Variants in ERBB4 observed in about 807,000 individuals in gnomAD.
ERBB4 encodes receptor tyrosine-protein kinase erbB-4.
A neutral mutation model predicts 158.0 loss-of-function variants in ERBB4; 42 were observed. That is an observed-to-expected ratio of 0.27 (90% CI 0.21 to 0.34). The LOEUF is 0.34. Ranked by LOEUF, ERBB4 falls within the 10% of genes least tolerant of loss-of-function variation. The probability of loss-of-function intolerance (pLI) is 1.00; values close to 1 mark genes in which losing one functional copy is unlikely to be tolerated. For missense variants in ERBB4, 1,333 were observed against 1,624.1 expected (o/e 0.82, Z 3.08); for synonymous variants, 583 against 558.7 (o/e 1.04, Z -0.61).
At position 211,725,098 on chromosome 2, in the gene ERBB4, C is replaced by T. The variant is rs2106131316; in HGVS notation, c.719G>A (p.Gly240Glu). ...TACAAAGCAGTCTGTGTCCTTAGGT[C>T]CTGAGCAGCCTCCAGCACATTCTCG... is the stretch of plus-strand genomic sequence containing the variant. ...CHRECAGGCS[G>E]PKDTDCFACM... The change falls in exon 6 of 28, where the codon GGA becomes GAA. Residue 240 changes from glycine to glutamate, a missense_variant. By Grantham distance (98) the Gly-to-Glu change is moderately conservative (BLOSUM62 -2). Transcript: ENST00000342788. The T allele has an allele frequency of 6.2e-7, 1 of 1,613,036 alleles. No homozygotes were observed. Among genetic ancestry groups the T allele is most frequent in the Non-Finnish European group, 8.5e-7 (1 of 1,179,126 alleles).
At chr2:212,392,778 T>C (rs1560197484) in intron 1 of ERBB4, among the ~76,000 whole-genome samples, 1 of 152,058 alleles carries the variant, frequency 6.6e-6, no homozygotes, top group African/African-American at 2.4e-5. Context: ...TTTTATATCA[T>C]ATTACATTAC....
At chr2:211,668,387 A>G (rs6743845) in intron 14 of ERBB4, among the ~76,000 whole-genome samples, 2,703 of 152,310 alleles carry the variant, frequency 0.018, 94 homozygotes, top group African/African-American at 0.062. Flanking sequence ...TTAAAGAAAT[A>G]TACCTGTGTC....
intron 1 of ERBB4, among the ~76,000 whole-genome samples, chr2:212,230,741 T>C (rs747329576): frequency 6.6e-6 from 1 of 152,166 alleles, no homozygotes; most frequent in Non-Finnish European, 1.5e-5. Flanking sequence ...CATCTGCCCA[T>C]TCATCTATCT....
At chr2:211,812,643 C>G (rs1274441884) in intron 3 of ERBB4, among the ~76,000 whole-genome samples, 1 of 152,220 alleles carries the variant, frequency 6.6e-6, no homozygotes, top group Non-Finnish European at 1.5e-5. Context: ...GCCCTGCCCC[C>G]AGAGGTGGAG....
chr2:212,277,928 C>A (rs922078958), intron 1 of ERBB4, among the ~76,000 whole-genome samples: 2 of 151,476 alleles, frequency 1.3e-5, no homozygotes, highest in Admixed American at 6.6e-5. Context: ...TAAACCATTG[C>A]AATATCAGTA....
chr2:212,524,327 C>A (rs1692331194), intron 1 of ERBB4, among the ~76,000 whole-genome samples: 1 of 151,840 alleles, frequency 6.6e-6, no homozygotes, highest in African/African-American at 2.4e-5. Context: ...ATGTAGTGAC[C>A]TCCAGGGATA....
chr2:211,763,292 T>C (rs2106245944), intron 4 of ERBB4, among the ~76,000 whole-genome samples: 1 of 152,358 alleles, frequency 6.6e-6, no homozygotes, highest in East Asian at 1.9e-4. Flanking sequence ...GGATAGCCTG[T>C]GTTTTCATCT....
At chr2:211,430,146 G>T (rs1470203764) in intron 21 of ERBB4, among the ~76,000 whole-genome samples, 1 of 151,868 alleles carries the variant, frequency 6.6e-6, no homozygotes, top group African/African-American at 2.4e-5. Flanking sequence ...GATAAATAAG[G>T]CATATAATAA....
intron 20 of ERBB4, among the ~76,000 whole-genome samples, chr2:211,486,981 G>A (rs534166188): frequency 1.3e-5 from 2 of 151,640 alleles, no homozygotes; most frequent in South Asian, 2.1e-4. Context: ...TTTAAAATAT[G>A]TTTTTTTCTT....
chr2:212,484,551 A>G (rs909116087), intron 1 of ERBB4, among the ~76,000 whole-genome samples: 8 of 152,242 alleles, frequency 5.3e-5, no homozygotes, highest in South Asian at 2.1e-4. Context: ...CACAGAGAAA[A>G]TCATTTTTAA....
intron 1 of ERBB4, among the ~76,000 whole-genome samples, chr2:212,271,569 G>T (rs1342037771): frequency 6.6e-6 from 1 of 151,658 alleles, no homozygotes; most frequent in Non-Finnish European, 1.5e-5. Context: ...CAAAATAATA[G>T]TCAGTGATTG....
intron 1 of ERBB4, among the ~76,000 whole-genome samples, chr2:212,218,139 C>T (rs1349948478): frequency 6.6e-6 from 1 of 151,290 alleles, no homozygotes; most frequent in Non-Finnish European, 1.5e-5. Flanking sequence ...CTAACGAGAG[C>T]TGCTTTAGAA....
At chr2:212,530,183 C>A (rs899897505) in intron 1 of ERBB4, among the ~76,000 whole-genome samples, 13 of 152,016 alleles carry the variant, frequency 8.6e-5, no homozygotes, top group Admixed American at 3.9e-4. Context: ...CTTGCAATAA[C>A]CCTGCCTGAG....
intron 20 of ERBB4, among the ~76,000 whole-genome samples, chr2:211,521,724 G>A (rs983034006): frequency 1.3e-5 from 2 of 152,112 alleles, no homozygotes; most frequent in Middle Eastern, 3.2e-3. Flanking sequence ...AGGGGTTAAT[G>A]CATCTGGTGA....
intron 5 of ERBB4, among the ~76,000 whole-genome samples, chr2:211,733,872 G>A (rs926356596): frequency 6.6e-6 from 1 of 151,114 alleles, no homozygotes; most frequent in African/African-American, 2.5e-5. Flanking sequence ...CTTGAGGCCA[G>A]GAGTTCAAGA....
chr2:211,601,500 A>C (rs2068799474), intron 19 of ERBB4, among the ~76,000 whole-genome samples: 1 of 152,194 alleles, frequency 6.6e-6, no homozygotes, highest in African/African-American at 2.4e-5. Context: ...GAAGAAAAAA[A>C]AAAGCCCCAA....
intron 20 of ERBB4, among the ~76,000 whole-genome samples, chr2:211,476,266 G>A (rs1040815689): frequency 6.6e-6 from 1 of 152,100 alleles, no homozygotes; most frequent in South Asian, 2.1e-4. Flanking sequence ...TGAAACCTTT[G>A]TGGGAGTGAT....
chr2:212,073,926 A>G (rs952359420), intron 2 of ERBB4, among the ~76,000 whole-genome samples: 2 of 152,034 alleles, frequency 1.3e-5, no homozygotes, highest in African/African-American at 4.8e-5. Flanking sequence ...AGGGCAGCAG[A>G]AAAACATGCA....
intron 2 of ERBB4, among the ~76,000 whole-genome samples, chr2:212,033,806 T>G (rs913216656): frequency 2.3e-4 from 35 of 151,944 alleles, no homozygotes; most frequent in African/African-American, 7.7e-4. Flanking sequence ...TTTGGTAAAT[T>G]ATTTAACAGT....
Sources: gnomAD v4.1 joint callset for allele counts (sites outside exome capture counted in the v4.1 genomes callset) on GRCh38, gnomAD v4.1.1 for gene constraint, MANE v1.5 for transcripts, NCBI Gene and HGNC (gene_info 2026-07-23, HGNC 2026-07-21) for gene names.